The following TUSC3 variants were observed in gnomAD, a reference collection of about 807,000 sequenced individuals.
The protein encoded by TUSC3 is dolichyl-diphosphooligosaccharide--protein glycosyltransferase subunit TUSC3.
In TUSC3, 45 loss-of-function variants were observed where a neutral mutation model predicts 44.8. That is an observed-to-expected ratio of 1.00 (90% CI 0.79 to 1.29). The LOEUF (loss-of-function observed/expected upper bound fraction) is 1.29. TUSC3 is among the 50% of genes most tolerant of loss of function. The probability of loss-of-function intolerance (pLI) is 0.00; values close to 1 mark genes in which losing one functional copy is unlikely to be tolerated. For synonymous variants in TUSC3, 212 were observed against 152.9 expected, an observed-to-expected ratio of 1.39 and a Z score of -2.85; for missense variants, 519 against 437.9, an observed-to-expected ratio of 1.19 and a Z score of -1.65.
intron 1 of TUSC3, among the ~76,000 whole-genome samples, chr8:15,473,382 T>A (rs748607926): frequency 7.9e-5 from 12 of 152,248 alleles, no homozygotes; most frequent in Non-Finnish European, 1.6e-4. Flanking sequence ...GTAGAATACA[T>A]GTCACTTTCC....
chr8:15,539,671 T>G (rs1801606385), upstream of TUSC3, among the ~76,000 whole-genome samples: 10 of 152,132 alleles, frequency 6.6e-5, no homozygotes. Flanking sequence ...TCTTAAAATA[T>G]TCATAGAATA....
chr8:15,848,772 G>C, the TUSC3 span, among the ~76,000 whole-genome samples: 2 of 152,142 alleles, frequency 1.3e-5, no homozygotes, highest in African/African-American at 2.4e-5. Context: ...GTTTGAGTTG[G>C]TTTCTGTAAT....
chr8:15,489,500 G>A (rs983447497), intron 2 of TUSC3, among the ~76,000 whole-genome samples: 5 of 152,140 alleles, frequency 3.3e-5, no homozygotes, highest in South Asian at 2.1e-4. Context: ...AAGGGAAGAG[G>A]TTTCTCTGCA....
chr8:15,833,766 A>C, the TUSC3 span, among the ~76,000 whole-genome samples: 4,438 of 152,132 alleles, frequency 0.029, 218 homozygotes, highest in African/African-American at 0.1. Context: ...GTGACAAAAC[A>C]ATCTGTACAA....
At chr8:15,717,579 G>A (rs543323159) in intron 6 of TUSC3, among the ~76,000 whole-genome samples, 29 of 151,990 alleles carry the variant, frequency 1.9e-4, no homozygotes, top group African/African-American at 6.3e-4. Flanking sequence ...GCAGTATTAC[G>A]TACTTATCTC....
intron 7 of TUSC3, among the ~76,000 whole-genome samples, chr8:15,741,538 G>A (rs352758): frequency 0.57 from 86,492 of 151,808 alleles, 25,048 homozygotes; most frequent in East Asian, 0.7. Flanking sequence ...TACTAAAGTT[G>A]TCCGGGCATG....
chr8:15,505,651 G>T (rs1801042028), intron 2 of TUSC3, among the ~76,000 whole-genome samples: 1 of 152,184 alleles, frequency 6.6e-6, no homozygotes, highest in South Asian at 2.1e-4. Flanking sequence ...ATCTGATTCA[G>T]CAGGTCTGAA....
intron 1 of TUSC3, among the ~76,000 whole-genome samples, chr8:15,566,546 A>C (rs1033650991): frequency 2.0e-5 from 3 of 152,090 alleles, no homozygotes; most frequent in Non-Finnish European, 4.4e-5. Flanking sequence ...TTTTTTCATC[A>C]TATATTCCTC....
At chr8:15,801,870 A>G in the TUSC3 span, among the ~76,000 whole-genome samples, 1 of 152,342 alleles carries the variant, frequency 6.6e-6, no homozygotes, top group East Asian at 1.9e-4. Context: ...CCTGAAGGCT[A>G]TCGTGGGGAT....
At chr8:15,813,349 G>C in the TUSC3 span, among the ~76,000 whole-genome samples, 4 of 150,066 alleles carry the variant, frequency 2.7e-5, no homozygotes, top group African/African-American at 7.4e-5. Context: ...GTACCATTAA[G>C]AGTATTGGTG....
At chr8:15,563,898 A>G (rs758725432) in intron 1 of TUSC3, among the ~76,000 whole-genome samples, 3 of 152,100 alleles carry the variant, frequency 2.0e-5, no homozygotes, top group Non-Finnish European at 4.4e-5. Context: ...GAAGTCTGGA[A>G]GATTGATAGG....
chr8:15,535,242 A>G (rs1443786927), upstream of TUSC3, among the ~76,000 whole-genome samples: 1 of 152,160 alleles, frequency 6.6e-6, no homozygotes, highest in Non-Finnish European at 1.5e-5. Context: ...GTCTTTGTGC[A>G]CTCCAGTTTG....
At chr8:15,464,417 C>T (rs1308547328) in intron 1 of TUSC3, among the ~76,000 whole-genome samples, 1 of 152,122 alleles carries the variant, frequency 6.6e-6, no homozygotes, top group Non-Finnish European at 1.5e-5. Flanking sequence ...TTCTTGGATC[C>T]CTATTATGTG....
At chr8:15,485,953 G>A (rs898455593) in intron 2 of TUSC3, among the ~76,000 whole-genome samples, 2 of 151,988 alleles carry the variant, frequency 1.3e-5, no homozygotes, top group African/African-American at 4.8e-5. Context: ...ACCAAGCCCG[G>A]CTTATTTTTT....
intron 1 of TUSC3, among the ~76,000 whole-genome samples, chr8:15,550,948 G>T (rs750742095): frequency 6.6e-6 from 1 of 151,764 alleles, no homozygotes; most frequent in Non-Finnish European, 1.5e-5. Context: ...TGGGATTACA[G>T]GGGTGAAATA....
At chr8:15,555,787 C>G (rs1409490365) in intron 1 of TUSC3, among the ~76,000 whole-genome samples, 2 of 151,362 alleles carry the variant, frequency 1.3e-5, no homozygotes, top group Non-Finnish European at 1.5e-5. Flanking sequence ...ATCATTTATT[C>G]TAAGGAGGCT....
At chr8:15,526,971 AT>A (rs1423921444) in intron 2 of TUSC3, among the ~76,000 whole-genome samples, 2 of 152,190 alleles carry the variant, frequency 1.3e-5, no homozygotes, top group East Asian at 1.9e-4. Flanking sequence ...GATTAAGTGT[AT>A]TTTTTGTCAT....
chr8:15,757,667 TCC>T, intron 9 of TUSC3, 122 bp from the exon 10 acceptor site: 3 of 1,223,348 alleles, frequency 2.5e-6, no homozygotes, highest in Non-Finnish European at 2.4e-6. Context: ...CCATCGTCTA[TCC>T]CCTGTCTTAT....
At chr8:15,661,747 AT>A (rs1807436554) in intron 4 of TUSC3, among the ~76,000 whole-genome samples, 3 of 151,946 alleles carry the variant, frequency 2.0e-5, no homozygotes, top group African/African-American at 7.2e-5. Context: ...AGCACACAGA[AT>A]GGGGGAAAAT....
Sources: allele counts gnomAD v4.1 joint callset (sites outside exome capture counted in the v4.1 genomes callset), GRCh38; gene constraint gnomAD v4.1.1; transcripts MANE v1.5; gene names NCBI Gene and HGNC (gene_info 2026-07-23, HGNC 2026-07-21).